The following CSMD3 variants were observed in gnomAD, a reference collection of about 807,000 sequenced individuals.
CSMD3 encodes the protein CUB and sushi domain-containing protein 3.
A neutral mutation model predicts 435.2 loss-of-function variants in CSMD3; 177 were observed. The ratio of observed to expected loss-of-function variants is 0.41; its 90% confidence interval spans 0.36 to 0.46. The LOEUF is 0.46. Ranked by LOEUF, CSMD3 falls within the 20% of genes least tolerant of loss-of-function variation. CSMD3 has a pLI of 0.34. For missense variants in CSMD3, 4,265 were observed against 4,504.6 expected (o/e 0.95, Z 1.52); for synonymous variants, 1,656 against 1,520.5 (o/e 1.09, Z -2.07).
intron 9 of CSMD3, among the ~76,000 whole-genome samples, chr8:112,939,768 A>T (rs999005368): frequency 9.2e-5 from 14 of 152,012 alleles, no homozygotes; most frequent in Non-Finnish European, 1.9e-4. Context: ...TTTGAAGTGT[A>T]ACTGTGAAAA....
At chr8:112,878,878 T>A (rs1227741711) in intron 10 of CSMD3, among the ~76,000 whole-genome samples, 7 of 152,118 alleles carry the variant, frequency 4.6e-5, no homozygotes, top group Non-Finnish European at 1.0e-4. Flanking sequence ...ATTAATACTC[T>A]TATAATTTCC....
At chr8:113,298,167 AG>A (rs1467351803) in intron 2 of CSMD3, among the ~76,000 whole-genome samples, 6 of 152,120 alleles carry the variant, frequency 3.9e-5, no homozygotes, top group Admixed American at 3.9e-4. Context: ...AAGATATGAT[AG>A]GAATATAGTT....
At chr8:112,718,967 C>A (rs1000135768) in intron 13 of CSMD3, among the ~76,000 whole-genome samples, 1 of 152,048 alleles carries the variant, frequency 6.6e-6, no homozygotes, top group African/African-American at 2.4e-5. Context: ...AAACTGTACA[C>A]CTGTCAAATG....
intron 10 of CSMD3, among the ~76,000 whole-genome samples, chr8:112,910,508 C>A (rs372510550): frequency 1.1e-4 from 17 of 151,898 alleles, no homozygotes; most frequent in East Asian, 7.8e-4. Flanking sequence ...TCTTTCACCT[C>A]AAGGGAGAGT....
At chr8:113,431,849 A>G (rs182882197) in intron 1 of CSMD3, among the ~76,000 whole-genome samples, 45 of 152,102 alleles carry the variant, frequency 3.0e-4, no homozygotes, top group African/African-American at 1.1e-3. Flanking sequence ...TTTGGTGTCT[A>G]TTTGTTATTT....
intron 61 of CSMD3, among the ~76,000 whole-genome samples, chr8:112,256,992 T>A (rs1303379227): frequency 6.6e-6 from 1 of 152,208 alleles, no homozygotes; most frequent in Non-Finnish European, 1.5e-5. Context: ...TACCATAATC[T>A]TGGCCTTAAT....
chr8:112,787,057 A>G (rs2511541), intron 13 of CSMD3, among the ~76,000 whole-genome samples: 5 of 152,104 alleles, frequency 3.3e-5, no homozygotes, highest in African/African-American at 1.2e-4. Context: ...TGCAAAGGAC[A>G]TGAACTCATC....
intron 17 of CSMD3, among the ~76,000 whole-genome samples, chr8:112,660,509 ACCTCATAC>A (rs1411139306): frequency 2.6e-5 from 4 of 152,112 alleles, no homozygotes; most frequent in African/African-American, 9.7e-5. Flanking sequence ...CTCAACCAAT[ACCTCATAC>A]CCTTAAAAGG....
intron 17 of CSMD3, among the ~76,000 whole-genome samples, chr8:112,664,051 T>C (rs1388774841): frequency 1.3e-5 from 2 of 152,102 alleles, no homozygotes; most frequent in African/African-American, 2.4e-5. Context: ...ATCTGGGTGA[T>C]AGATGCTATG....
chr8:112,408,186 T>A (rs1013525096), intron 34 of CSMD3, 132 bp downstream of exon 34: 11 of 701,422 alleles, frequency 1.6e-5, no homozygotes, highest in Non-Finnish European at 2.4e-5. Context: ...GATCTAGTGA[T>A]GGTGGAGGGG....
chr8:113,372,749 A>C (rs920179114), intron 1 of CSMD3, among the ~76,000 whole-genome samples: 1 of 151,916 alleles, frequency 6.6e-6, no homozygotes, highest in Non-Finnish European at 1.5e-5. Context: ...CTGGCTAACA[A>C]GGTGAAACCC....
At chr8:113,162,749 TAA>T (rs2131840433) in intron 4 of CSMD3, among the ~76,000 whole-genome samples, 1 of 152,136 alleles carries the variant, frequency 6.6e-6, no homozygotes, top group South Asian at 2.1e-4. Flanking sequence ...GTGCAAAGAC[TAA>T]AAGGGTTGTT....
At chr8:112,556,095 T>C (rs966692069) in intron 25 of CSMD3, among the ~76,000 whole-genome samples, 6 of 151,968 alleles carry the variant, frequency 3.9e-5, no homozygotes, top group South Asian at 2.1e-4. Context: ...ACTTGGTCTT[T>C]AGAGCAGAAA....
rs1011548278 is a variant in CSMD3 at position 112,318,911 on chromosome 8, A to G, written c.7286T>C (p.Leu2429Ser). 2 of 1,612,370 alleles carry G rather than the reference A, an allele frequency of 1.2e-6. No individual in the cohort carries two copies. Among genetic ancestry groups the G allele is most frequent in the East Asian group, 4.5e-5 (2 of 44,830 alleles). ...IRYQCLPGFT[L>S]VGNAILTCRL... ...GCACGTCAGAATTGCATTACCAACT[A>G]AAGTAAATCCTGGAAGACACTGATA... The change falls in exon 47 of 71, where the codon TTA (leucine) becomes TCA (serine). Residue 2429 changes from leucine (L) to serine (S), a missense_variant. This residue lies in a region of CSMD3 where 3,255 missense variants were observed against 3,380.2 expected (regional missense o/e 0.96). Coordinates refer to ENST00000297405, the MANE Select transcript of CSMD3 (RefSeq NM_198123.2).
chr8:113,142,433 T>C (rs906486487), intron 4 of CSMD3, among the ~76,000 whole-genome samples: 28 of 151,138 alleles, frequency 1.9e-4, no homozygotes, highest in African/African-American at 6.8e-4. Flanking sequence ...CACAGATCAA[T>C]AGAACAGAGT....
chr8:112,482,991 T>C (rs1819779624), intron 31 of CSMD3, among the ~76,000 whole-genome samples: 2 of 152,196 alleles, frequency 1.3e-5, no homozygotes, highest in African/African-American at 4.8e-5. Flanking sequence ...TGCATACTAT[T>C]TGTATCTCTG....
chr8:113,160,099 T>A (rs2092010127), intron 4 of CSMD3, among the ~76,000 whole-genome samples: 1 of 152,014 alleles, frequency 6.6e-6, no homozygotes, highest in Admixed American at 6.6e-5. Flanking sequence ...ATCTTACATT[T>A]CCTGAAAACA....
At chr8:112,909,347 T>G (rs2082344683) in intron 10 of CSMD3, among the ~76,000 whole-genome samples, 1 of 151,644 alleles carries the variant, frequency 6.6e-6, no homozygotes, top group Non-Finnish European at 1.5e-5. Flanking sequence ...AAATAACACT[T>G]AAAAATCTGT....
chr8:112,736,927 T>G (rs2077197762), intron 13 of CSMD3, among the ~76,000 whole-genome samples: 1 of 152,038 alleles, frequency 6.6e-6, no homozygotes, highest in Admixed American at 6.6e-5. Flanking sequence ...CAGAAATAGC[T>G]GAGCCAGCTT....
Sources: allele counts gnomAD v4.1 joint callset (sites outside exome capture counted in the v4.1 genomes callset), GRCh38; gene constraint gnomAD v4.1.1; regional missense constraint gnomAD v4.1.1; transcripts MANE v1.5; gene names NCBI Gene and HGNC (gene_info 2026-07-23, HGNC 2026-07-21).